TOP2A: variants seen among roughly 807,000 people sequenced by gnomAD.
The protein encoded by TOP2A is DNA topoisomerase II alpha.
In TOP2A, 68 loss-of-function variants were observed where a neutral mutation model predicts 187.2. The ratio of observed to expected loss-of-function variants is 0.36; its 90% confidence interval spans 0.30 to 0.44. The LOEUF (loss-of-function observed/expected upper bound fraction) is 0.44. Among genes scored for constraint, TOP2A ranks in the 20% least tolerant of loss-of-function variants. TOP2A has a pLI of 1.00. For synonymous variants in TOP2A, 542 were observed against 593.2 expected (o/e 0.91, Z 1.25); for missense variants, 1,196 against 1,808.7 (o/e 0.66, Z 6.14).
In TOP2A at chr17:40,407,866, C is replaced by T. The variant is rs1020181788; in HGVS notation, c.1500+101G>A. ...ATTTCTCAAAATAAGCACAAATTGT[C>T]TAAAATATATTTTAAAATGCCTAAT... On this transcript the variant is annotated intron_variant, in intron 12 of 34. Coordinates refer to ENST00000423485, the MANE Select transcript of TOP2A (RefSeq NM_001067.4). The T allele has an allele frequency of 5.1e-5, 69 of 1,351,940 alleles. No homozygotes were observed. The African/African-American group carries it at 9.2e-4, about 18-fold the overall frequency. The allele number at this position is 1,351,940 out of a possible 1,614,324, so 83.7% of individuals were successfully genotyped here. A position where few individuals can be genotyped will look rare whatever the true frequency, so the allele number is the denominator to read the frequency against.
intron 20 of TOP2A, 116 bp from the exon 21 acceptor site, chr17:40,401,197 A>G: frequency 1.2e-6 from 1 of 836,792 alleles, no homozygotes; most frequent in South Asian, 1.8e-5. Context: ...TTGCTGACTA[A>G]TATACATTTA....
intron 1 of TOP2A, among the ~76,000 whole-genome samples, chr17:40,417,237 G>T (rs2035402124): frequency 6.6e-6 from 1 of 151,862 alleles, no homozygotes; most frequent in South Asian, 2.1e-4. Context: ...AATTATTTAC[G>T]GTGTCCCGAG....
At chr17:40,410,972 C>T (rs1224418322) in intron 10 of TOP2A, 137 bp downstream of exon 10, 2 of 835,852 alleles carry the variant, frequency 2.4e-6, no homozygotes, top group Non-Finnish European at 3.6e-6. Flanking sequence ...AAAGTAAAGC[C>T]CTTTTTTACT....
intron 6 of TOP2A, 26 bp from the exon 7 acceptor site, chr17:40,412,997 T>A (rs2143686115): frequency 6.3e-7 from 1 of 1,575,768 alleles, no homozygotes; most frequent in Non-Finnish European, 8.6e-7. Flanking sequence ...ATAGGAAACA[T>A]GAAAAATTCA....
intron 24 of TOP2A, among the ~76,000 whole-genome samples, chr17:40,399,540 TTC>T (rs1284965067): frequency 6.6e-6 from 1 of 152,068 alleles, no homozygotes; most frequent in Non-Finnish European, 1.5e-5. Flanking sequence ...TTATTATCTC[TTC>T]TCTGTCTCTT....
chr17:40,392,441 C>A, intron 30 of TOP2A, 100 bp from the exon 31 acceptor site: 1 of 1,484,084 alleles, frequency 6.7e-7, no homozygotes, highest in South Asian at 1.3e-5. Context: ...TTTTAAATCT[C>A]CTGAAAGATG....
chr17:40,392,915 A>G (rs1598607862), intron 29 of TOP2A, among the ~76,000 whole-genome samples, 178 bp from the exon 30 acceptor site: 1 of 152,288 alleles, frequency 6.6e-6, no homozygotes, highest in East Asian at 1.9e-4. Context: ...TTAATCTCAT[A>G]AATAAATGTG....
chr17:40,395,582 G>A (rs761251949), intron 28 of TOP2A, 43 bp from the exon 29 acceptor site: 1 of 1,383,060 alleles, frequency 7.2e-7, no homozygotes, highest in East Asian at 2.3e-5. Context: ...AATAAATTCT[G>A]AACTATGGGA....
rs375920462 is a variant in TOP2A at position 40,389,307 on chromosome 17, C to T, written c.*212G>A. The T allele has an allele frequency of 1.8e-5, 8 of 443,468 alleles. No homozygotes were observed. Among genetic ancestry groups the T allele is most frequent in the African/African-American group, 8.0e-5 (4 of 49,770 alleles). The allele number at this position is 443,468 out of a possible 1,614,324, so 27.5% of individuals were successfully genotyped here. A position where few individuals can be genotyped will look rare whatever the true frequency, so the allele number is the denominator to read the frequency against. On this transcript the variant is annotated 3_prime_UTR_variant, in exon 35 of 35. Coordinates refer to ENST00000423485, the MANE Select transcript of TOP2A (RefSeq NM_001067.4). ...AAGCAGACTCAAAACACAGACAAAG[C>T]AGAGAAGAAAACAATGCCCATGAGA...
intron 4 of TOP2A, among the ~76,000 whole-genome samples, chr17:40,414,796 C>T (rs1218402440): frequency 7.2e-6 from 1 of 139,202 alleles, no homozygotes; most frequent in African/African-American, 2.7e-5. Flanking sequence ...GTGGATGTTG[C>T]GGTGAGCCGA....
rs145938396 is a variant in TOP2A at position 40,393,842 on chromosome 17, G to A, written c.3812-1105C>T. 3.3e-3 allele frequency among the ~76,000 whole-genome samples: 500 copies of A among 152,182 alleles called. 2 individuals carry two copies. Among genetic ancestry groups the A allele is most frequent in the African/African-American group, 0.012 (480 of 41,528 alleles). On this transcript the variant is annotated intron_variant, in intron 29 of 34. Coordinates refer to ENST00000423485, the MANE Select transcript of TOP2A (RefSeq NM_001067.4). ...AGGCCGAGGTGGGCAGATCGCTTGA[G>A]GTCAGGAGTTTGAGACCATCCTGGC...
intron 2 of TOP2A, 70 bp downstream of exon 2, chr17:40,416,670 T>C: frequency 6.4e-7 from 1 of 1,558,560 alleles, no homozygotes; most frequent in Non-Finnish European, 8.7e-7. Flanking sequence ...ACTCAGTACA[T>C]GAAAGGTACA....
At chr17:40,417,018 G>T in intron 1 of TOP2A, 123 bp from the exon 2 acceptor site, 1 of 850,492 alleles carries the variant, frequency 1.2e-6, no homozygotes, top group Non-Finnish European at 1.8e-6. Context: ...AGTAGGCAGT[G>T]GTGGAGTTGC....
In TOP2A at chr17:40,395,282, A is replaced by C. The variant is rs573390884; in HGVS notation, c.3811+167T>G. 3.2e-3 allele frequency among the ~76,000 whole-genome samples: 359 copies of C among 111,236 alleles called. 2 individuals carry two copies. The highest frequency in any genetic ancestry group is 0.011 in the African/African-American group (334 of 31,744). 73.0% of individuals were successfully genotyped at this position (111,236 alleles called of 152,430 possible). Reference sequence around the variant, plus strand: ...TGGGCAACAAGAGTGAAACTGTCTCAAAAAAAAAAAAAAAAAAAAAAAGAG... The same window carrying C: ...TGGGCAACAAGAGTGAAACTGTCTCCAAAAAAAAAAAAAAAAAAAAAAGAG... On this transcript the variant is annotated intron_variant, in intron 29 of 34. Transcript: ENST00000423485.
Position 40,392,249 on chromosome 17 carries a change from C to T in TOP2A, c.4057G>A (p.Ala1353Thr). ...TDDEDFVPSD[A>T]SPPKTKTSPK... is the part of the protein sequence containing the mutation. ...GAAGTTTTGGTCTTAGGTGGACTAG[C>T]ATCTGATGGGACAAAATCTTCATCA... The change falls in exon 31 of 35, where the codon GCT becomes ACT. Residue 1353 changes from alanine to threonine, a missense_variant. Coordinates refer to ENST00000423485, the MANE Select transcript of TOP2A (RefSeq NM_001067.4). 1 of 1,613,116 alleles carries T rather than the reference C, an allele frequency of 6.2e-7. No homozygotes were observed. The highest frequency in any genetic ancestry group is 8.5e-7 in the Non-Finnish European group (1 of 1,179,500).
chr17:40,409,299 C>A, intron 10 of TOP2A: 1 of 342,256 alleles, frequency 2.9e-6, no homozygotes, highest in Non-Finnish European at 5.6e-6. Flanking sequence ...TTGCTTTAAC[C>A]TGGGAGGCGC....
intron 27 of TOP2A, 45 bp from the exon 28 acceptor site, chr17:40,396,510 C>T (rs2035102522): frequency 6.3e-7 from 1 of 1,581,796 alleles, no homozygotes; most frequent in Non-Finnish European, 8.6e-7. Context: ...TTAACAAAAA[C>T]ATTACAATAT....
chr17:40,417,029 C>T, intron 1 of TOP2A, 134 bp from the exon 2 acceptor site: 1 of 768,380 alleles, frequency 1.3e-6, no homozygotes. Flanking sequence ...GTGGAGTTGC[C>T]AGTTTTGTAC....
intron 17 of TOP2A, 130 bp downstream of exon 17, chr17:40,404,661 A>C (rs748968567): frequency 2.9e-4 from 216 of 744,034 alleles, no homozygotes; most frequent in Admixed American, 4.8e-4. Flanking sequence ...AGCAAATTTA[A>C]CTGCTGCACA....
Sources: gnomAD v4.1 joint callset for allele counts (sites outside exome capture counted in the v4.1 genomes callset) on GRCh38, gnomAD v4.1.1 for gene constraint, MANE v1.5 for transcripts, NCBI Gene and HGNC (gene_info 2026-07-23, HGNC 2026-07-21) for gene names.